TIAM2: variants seen among roughly 807,000 people sequenced by gnomAD.
TIAM2 encodes the protein TIAM Rac1 associated GEF 2, also known as rho guanine nucleotide exchange factor TIAM2.
Under a neutral mutation model 152.9 loss-of-function variants are expected in TIAM2, and 80 were observed. The ratio of observed to expected loss-of-function variants is 0.52; its 90% CI spans 0.44 to 0.63. TIAM2 has a LOEUF of 0.63. TIAM2 is among the 30% of genes least tolerant of loss of function. The pLI is 0.00. For synonymous variants in TIAM2, 804 were observed against 838.0 expected, an observed-to-expected ratio of 0.96 and a Z score of 0.70; for missense variants, 1,965 against 2,120.1, an observed-to-expected ratio of 0.93 and a Z score of 1.44.
At chr6:155,243,935 A>C in intron 16 of TIAM2, 76 bp from the exon 17 acceptor site, 2 of 1,061,340 alleles carry the variant, frequency 1.9e-6, no homozygotes, top group Non-Finnish European at 2.8e-6. Flanking sequence ...AGCTGCTGCC[A>C]GGTTGCTGCT....
intron 7 of TIAM2, among the ~76,000 whole-genome samples, chr6:155,152,982 T>G (rs1441408048): frequency 6.6e-6 from 1 of 152,206 alleles, no homozygotes; most frequent in African/African-American, 2.4e-5. Flanking sequence ...GGGAGGTTAC[T>G]TGAACATAAA....
intron 1 of TIAM2, among the ~76,000 whole-genome samples, chr6:155,042,047 GTGTT>G (rs1433644808): frequency 2.0e-5 from 3 of 151,780 alleles, no homozygotes; most frequent in Non-Finnish European, 4.4e-5. Context: ...TAATCTTTGA[GTGTT>G]TGTTCTTTAT....
At chr6:155,169,392 A>G (rs1780522391) in intron 9 of TIAM2, among the ~76,000 whole-genome samples, 1 of 152,236 alleles carries the variant, frequency 6.6e-6, no homozygotes, top group African/African-American at 2.4e-5. Context: ...GGTATTCTCT[A>G]AAGAGATAGT....
At chr6:155,155,513 C>T (rs1035771650) in intron 7 of TIAM2, among the ~76,000 whole-genome samples, 1 of 150,612 alleles carries the variant, frequency 6.6e-6, no homozygotes, top group Non-Finnish European at 1.5e-5. Flanking sequence ...CTTTCTCTGT[C>T]GCCCAGGCTG....
intron 2 of TIAM2, among the ~76,000 whole-genome samples, chr6:155,102,767 TTG>T (rs56117781): frequency 0.18 from 26,857 of 145,364 alleles, 2,905 homozygotes; most frequent in South Asian, 0.39. Flanking sequence ...GATTAATTTA[TTG>T]TGTGTGTGTG....
At position 155,214,334 on chromosome 6, in the gene TIAM2, G is replaced by A. The variant is rs1781801083; in HGVS notation, c.3168+3027G>A. ...ATGGCACATCCTTTGGAGGAACCAT[G>A]TGGCATACCTTTTGGGGGTTGGTGA... is the stretch of plus-strand genomic sequence containing the variant. On this transcript the variant is annotated intron_variant, in intron 15 of 26. Coordinates refer to ENST00000682666, the MANE Select transcript of TIAM2 (RefSeq NM_012454.4). This position sits in a 1 kb window ranked among gnomAD's most constrained non-coding sequence, Gnocchi z 5.4. Among the ~76,000 whole-genome samples the A allele has an allele frequency of 6.6e-6, 1 of 152,238 alleles. No individual in the cohort carries two copies.
chr6:155,257,294 T>G lies in TIAM2; in HGVS notation c.*173T>G. ...TTAAGTTATTTTAATTTATTGTGGA[T>G]CAGAAACCTAGATGAAACTGGTCAG... On this transcript the variant is annotated 3_prime_UTR_variant, in exon 27 of 27. Coordinates refer to ENST00000682666, the MANE Select transcript of TIAM2 (RefSeq NM_012454.4). 1 of 741,102 alleles carries G rather than the reference T, an allele frequency of 1.3e-6. No individual in the cohort carries two copies. Among genetic ancestry groups the G allele is most frequent in the Non-Finnish European group, 2.1e-6 (1 of 472,586 alleles). The allele number at this position is 741,102 out of a possible 1,614,324, so 45.9% of individuals were successfully genotyped here. A position where few individuals can be genotyped will look rare whatever the true frequency, so the allele number is the denominator to read the frequency against.
intron 15 of TIAM2, among the ~76,000 whole-genome samples, chr6:155,232,180 GA>G (rs2115274181): frequency 6.6e-6 from 1 of 152,254 alleles, no homozygotes; most frequent in East Asian, 1.9e-4. Context: ...GATATTTGGG[GA>G]TAATACTAGA....
intron 7 of TIAM2, among the ~76,000 whole-genome samples, chr6:155,159,433 T>A (rs1403720593): frequency 6.6e-6 from 1 of 152,208 alleles, no homozygotes; most frequent in Admixed American, 6.5e-5. Context: ...CCCTGTCCCC[T>A]ACATGTTGTT....
intron 1 of TIAM2, among the ~76,000 whole-genome samples, chr6:155,056,721 T>C (rs1389624115): frequency 6.6e-6 from 1 of 152,096 alleles, no homozygotes; most frequent in Non-Finnish European, 1.5e-5. Flanking sequence ...ATATCCAGCT[T>C]CCCCTATTAT....
intron 7 of TIAM2, among the ~76,000 whole-genome samples, chr6:155,164,133 G>GTTTTTTTTTTTTTTTTTTTTTTTT (rs375238178): frequency 1.7e-5 from 2 of 118,006 alleles, no homozygotes; most frequent in African/African-American, 2.9e-5. Context: ...TAATTTTTGT[G>GTTTTTTTTTTTTTTTTTTTTTTTT]TTTTTTTTTT....
At chr6:155,142,982 C>CA (rs1240508861) in intron 5 of TIAM2, among the ~76,000 whole-genome samples, 1 of 152,156 alleles carries the variant, frequency 6.6e-6, no homozygotes, top group Non-Finnish European at 1.5e-5. Flanking sequence ...AAATAGTTTT[C>CA]AAAACGTCTG....
chr6:155,210,976 C>G (rs1047222572), intron 14 of TIAM2, among the ~76,000 whole-genome samples: 2 of 152,162 alleles, frequency 1.3e-5, no homozygotes, highest in African/African-American at 4.8e-5. Flanking sequence ...TGATTGGTCT[C>G]TTTCGACCAA....
intron 23 of TIAM2, 166 bp from the exon 24 acceptor site, chr6:155,252,782 C>G (rs1259748576): frequency 1.7e-6 from 1 of 601,824 alleles, no homozygotes. Context: ...CATGTGAGGT[C>G]TTTGAGAACT....
rs948183833 is a variant in TIAM2 at position 155,218,270 on chromosome 6, C to T, written c.3168+6963C>T. ...GTGACTAAATTCCTATTTTAATGCA[C>T]GGAGAGATGGCCTCCTCAAGGCAAA... On this transcript the variant is annotated intron_variant, in intron 15 of 26. Transcript: ENST00000682666. This position sits in a 1 kb window ranked among gnomAD's most constrained non-coding sequence, Gnocchi z 4.5. 3.3e-5 allele frequency among the ~76,000 whole-genome samples: 5 copies of T among 152,250 alleles called. No homozygotes were observed. The highest frequency in any genetic ancestry group is 4.1e-4 in the South Asian group (2 of 4,832).
At position 155,147,295 on chromosome 6, in the gene TIAM2, TTTTA is replaced by T. The variant is rs576866696; in HGVS notation, c.1804-791_1804-788del. ...GTTAAAATTCCGAAGACAAGTATCCTTTTATTTATTTATTTATTTATTTATTTTT... is the reference window on the plus strand; with the variant it reads ...GTTAAAATTCCGAAGACAAGTATCCTTTTATTTATTTATTTATTTATTTTT... On this transcript the variant is annotated intron_variant, in intron 6 of 26. Transcript: ENST00000682666. Among the ~76,000 whole-genome samples the T allele has an allele frequency of 5.1e-3, 768 of 151,708 alleles. 3 individuals are homozygous for T. The highest frequency in any genetic ancestry group is 0.017 in the Middle Eastern group (5 of 294).
At chr6:155,055,919 G>A (rs951519904) in intron 1 of TIAM2, among the ~76,000 whole-genome samples, 4 of 151,638 alleles carry the variant, frequency 2.6e-5, no homozygotes, top group Non-Finnish European at 5.9e-5. Context: ...ATGTGATCAC[G>A]CCACTGCACC....
intron 7 of TIAM2, among the ~76,000 whole-genome samples, chr6:155,164,133 G>GTTCTTT (rs1554236332): frequency 8.5e-6 from 1 of 118,006 alleles, no homozygotes; most frequent in Non-Finnish European, 1.7e-5. Context: ...TAATTTTTGT[G>GTTCTTT]TTTTTTTTTT....
intron 1 of TIAM2, among the ~76,000 whole-genome samples, chr6:155,060,683 G>A (rs543881144): frequency 5.3e-5 from 8 of 152,130 alleles, no homozygotes; most frequent in African/African-American, 1.9e-4. Context: ...ATCACATGAG[G>A]TCAGGAGTTC....
Sources: gnomAD v4.1 joint callset for allele counts (sites outside exome capture counted in the v4.1 genomes callset) on GRCh38, gnomAD v4.1.1 for gene constraint, Gnocchi (gnomAD v3.1) non-coding constraint, MANE v1.5 for transcripts, NCBI Gene and HGNC (gene_info 2026-07-23, HGNC 2026-07-21) for gene names.